ANKRD28: variants seen among roughly 807,000 people sequenced by gnomAD.
ANKRD28 encodes the protein serine/threonine-protein phosphatase 6 regulatory ankyrin repeat subunit A.
ANKRD28 carries 44 observed loss-of-function variants against 126.5 expected under a neutral mutation model. The ratio of observed to expected loss-of-function variants is 0.35; its 90% CI spans 0.27 to 0.45. ANKRD28 has a LOEUF of 0.45. ANKRD28 is among the 20% of genes least tolerant of loss of function. The pLI, the probability that ANKRD28 is intolerant of heterozygous loss-of-function variation, is 1.00. For synonymous variants in ANKRD28, 442 were observed against 468.5 expected, an observed-to-expected ratio of 0.94 and a Z score of 0.73; for missense variants, 1,110 against 1,316.6, an observed-to-expected ratio of 0.84 and a Z score of 2.43.
chr3:15,698,866 T>G (rs1370121671), intron 14 of ANKRD28, among the ~76,000 whole-genome samples: 2 of 152,208 alleles, frequency 1.3e-5, no homozygotes, highest in African/African-American at 4.8e-5. Context: ...CCAATGACTT[T>G]CTTCACAGAA....
At chr3:15,859,204 G>T (rs1012465443) in intron 1 of ANKRD28, among the ~76,000 whole-genome samples, 7 of 152,340 alleles carry the variant, frequency 4.6e-5, no homozygotes, top group Non-Finnish European at 8.8e-5. Flanking sequence ...GCTCTGACAG[G>T]CGGGTCGCCC....
chr3:15,752,023 G>A (rs1420086244), intron 3 of ANKRD28, among the ~76,000 whole-genome samples: 3 of 151,756 alleles, frequency 2.0e-5, no homozygotes, highest in Non-Finnish European at 4.4e-5. Flanking sequence ...GTCCAATAAA[G>A]TCTTAGTTTT....
At chr3:15,671,628 A>G (rs1394807588) in intron 27 of ANKRD28, among the ~76,000 whole-genome samples, 5 of 149,566 alleles carry the variant, frequency 3.3e-5, no homozygotes, top group Admixed American at 1.3e-4. Context: ...CGGTCACCCA[A>G]GCTGAAGTTC....
chr3:15,809,673 C>T (rs983021993), intron 1 of ANKRD28, among the ~76,000 whole-genome samples: 99 of 152,252 alleles, frequency 6.5e-4, no homozygotes, highest in African/African-American at 2.3e-3. Context: ...CTTGCCTGGC[C>T]AGTAAATATA....
At chr3:15,832,138 G>A (rs2061216430) in intron 1 of ANKRD28, among the ~76,000 whole-genome samples, 1 of 152,182 alleles carries the variant, frequency 6.6e-6, no homozygotes, top group Non-Finnish European at 1.5e-5. Context: ...CCAGTAGAGT[G>A]AGACATTTCA....
intron 14 of ANKRD28, 121 bp from the exon 15 acceptor site, chr3:15,696,366 AATGT>A (rs2069554556): frequency 5.0e-6 from 3 of 598,158 alleles, no homozygotes; most frequent in African/African-American, 3.7e-5. Context: ...AAAAATCATA[AATGT>A]ATTACACTAT....
intron 7 of ANKRD28, among the ~76,000 whole-genome samples, chr3:15,723,783 A>G (rs1040579260): frequency 1.3e-5 from 2 of 152,186 alleles, no homozygotes; most frequent in African/African-American, 4.8e-5. Context: ...TAATAATAAA[A>G]TAAATAAATA....
rs1190625496 is a variant in ANKRD28, at chr3:15,814,945, ACTTG to A, written c.28-19643_28-19640del. On this transcript the variant is annotated intron_variant, in intron 1 of 27. Transcript: ENST00000399451. The surrounding 1 kb of genome is among the most constrained non-coding windows in gnomAD (Gnocchi z 4.7). ...GATAATACATACATATTATTTAGTA[ACTTG>A]CTTGTCTCCATCACTCCTCATTTAA... is the stretch of plus-strand genomic sequence containing the variant. Among the ~76,000 whole-genome samples the A allele has an allele frequency of 2.0e-5, 3 of 150,798 alleles. No individual in the cohort carries two copies. Among genetic ancestry groups the A allele is most frequent in the Non-Finnish European group, 1.5e-5 (1 of 67,708 alleles).
At chr3:15,709,571 T>G in intron 13 of ANKRD28, 97 bp downstream of exon 13, 1 of 776,996 alleles carries the variant, frequency 1.3e-6, no homozygotes, top group Non-Finnish European at 2.1e-6. Flanking sequence ...GTGTACAAGA[T>G]GCTAAATTGT....
At chr3:15,695,336 A>G in intron 15 of ANKRD28, 122 bp from the exon 16 acceptor site, 1 of 695,826 alleles carries the variant, frequency 1.4e-6, no homozygotes, top group South Asian at 1.9e-5. Flanking sequence ...GCTCCAAAAA[A>G]TTAGGTGTTT....
intron 2 of ANKRD28, among the ~76,000 whole-genome samples, chr3:15,773,720 G>A (rs1022370655): frequency 1.3e-5 from 2 of 152,170 alleles, no homozygotes; most frequent in Non-Finnish European, 2.9e-5. Flanking sequence ...CCATGTTCAT[G>A]AATTGGAAGA....
Position 15,833,943 on chromosome 3 carries a change from T to G in ANKRD28, c.27+25434A>C, listed in dbSNP as rs1247487352. 2.0e-5 allele frequency among the ~76,000 whole-genome samples: 3 copies of G among 152,200 alleles called. No homozygotes were observed. Among genetic ancestry groups the G allele is most frequent in the African/African-American group, 7.2e-5 (3 of 41,454 alleles). On this transcript the variant is annotated intron_variant, in intron 1 of 27. Coordinates refer to the ANKRD28 transcript ENST00000399451. This position sits in a 1 kb window ranked among gnomAD's most constrained non-coding sequence, Gnocchi z 4.4. ...TGCCCATTTTTTAATGTTTGTTTTTTTCTTAAGTTCCTTGTAGATTCTGGA... is the reference window on the plus strand; with the variant it reads ...TGCCCATTTTTTAATGTTTGTTTTTGTCTTAAGTTCCTTGTAGATTCTGGA...
intron 4 of ANKRD28, among the ~76,000 whole-genome samples, chr3:15,751,324 T>C (rs541931861): frequency 6.6e-6 from 1 of 152,290 alleles, no homozygotes; most frequent in East Asian, 1.9e-4. Flanking sequence ...ACCAGTAAAA[T>C]GTGCAATCAA....
At position 15,669,443 on chromosome 3, in the gene ANKRD28, G is replaced by C. The variant is rs1006415814; in HGVS notation, c.*827C>G. 1.3e-5 allele frequency: 2 copies of C among 152,032 alleles called. No individual in the cohort carries two copies. The highest frequency in any genetic ancestry group is 4.8e-5 in the African/African-American group (2 of 41,402). 9.4% of individuals were successfully genotyped at this position (152,032 alleles called of 1,614,324 possible). On this transcript the variant is annotated 3_prime_UTR_variant, in exon 28 of 28. Transcript: ENST00000683139. ...TTCTTTACATTTTCAAACAAAAATA[G>C]TACTATTTTAAACCCAAACCATTCA...
chr3:15,799,129 T>C (rs1358915363), upstream of ANKRD28, among the ~76,000 whole-genome samples: 2 of 152,032 alleles, frequency 1.3e-5, no homozygotes, highest in Non-Finnish European at 2.9e-5. Context: ...ACACACTCTC[T>C]TCTCTCCACT....
In ANKRD28 at chr3:15,718,967, A is replaced by G. The variant is rs140040068; in HGVS notation, c.996+1948T>C. Among the ~76,000 whole-genome samples, 434 of 152,316 alleles carry G rather than the reference A, an allele frequency of 2.8e-3. 2 individuals are homozygous for G. Among genetic ancestry groups the G allele is most frequent in the Middle Eastern group, 0.01 (3 of 294 alleles). ...ATTTTTCTGGGCCCTGATTATCCAA[A>G]GTGCAGGAATTCTTCAAATTAAAAT... On this transcript the variant is annotated intron_variant, in intron 8 of 27. Coordinates refer to ENST00000683139, the MANE Select transcript of ANKRD28 (RefSeq NM_001349278.2).
At chr3:15,719,901 C>T (rs543765614) in intron 8 of ANKRD28, among the ~76,000 whole-genome samples, 20 of 152,100 alleles carry the variant, frequency 1.3e-4, no homozygotes, top group African/African-American at 4.8e-4. Flanking sequence ...GACAGGGTCT[C>T]ACTCTGTCAC....
At chr3:15,728,452 C>A (rs919263223) in intron 6 of ANKRD28, among the ~76,000 whole-genome samples, 1 of 152,138 alleles carries the variant, frequency 6.6e-6, no homozygotes, top group East Asian at 1.9e-4. Context: ...TGCCACCACA[C>A]TGGGCTAATC....
chr3:15,721,245 A>G (rs986393122), intron 7 of ANKRD28, 118 bp from the exon 8 acceptor site: 10 of 822,872 alleles, frequency 1.2e-5, no homozygotes, highest in Non-Finnish European at 1.8e-5. Flanking sequence ...CGGAGACAAG[A>G]TAAGTACAGA....
Sources: gnomAD v4.1 joint callset for allele counts (sites outside exome capture counted in the v4.1 genomes callset) on GRCh38, gnomAD v4.1.1 for gene constraint, Gnocchi (gnomAD v3.1) non-coding constraint, MANE v1.5 for transcripts, NCBI Gene and HGNC (gene_info 2026-07-23, HGNC 2026-07-21) for gene names.